SND1: variants seen among roughly 807,000 people sequenced by gnomAD.
The protein encoded by SND1 is staphylococcal nuclease and tudor domain containing 1.
In SND1, 38 loss-of-function variants were observed where a neutral mutation model predicts 121.7. The ratio of observed to expected loss-of-function variants is 0.31; its 90% CI spans 0.24 to 0.41. The LOEUF is 0.41. Ranked by LOEUF, SND1 falls within the 10% of genes least tolerant of loss-of-function variation. SND1 has a pLI of 1.00. For synonymous variants in SND1, 401 were observed against 447.4 expected (o/e 0.90, Z 1.31); for missense variants, 868 against 1,184.6 (o/e 0.73, Z 3.92).
At chr7:128,060,537 C>T (rs1248110856) in intron 16 of SND1, among the ~76,000 whole-genome samples, 1 of 152,238 alleles carries the variant, frequency 6.6e-6, no homozygotes, top group Non-Finnish European at 1.5e-5. Context: ...CTTGGCCTTT[C>T]CCTTCCTCCT....
intron 21 of SND1, among the ~76,000 whole-genome samples, chr7:128,087,462 G>A (rs1303610001): frequency 6.6e-6 from 1 of 152,214 alleles, no homozygotes; most frequent in African/African-American, 2.4e-5. Flanking sequence ...ACATGGTCCA[G>A]TGTGTTTCTG....
chr7:127,818,453 C>T lies in SND1; in HGVS notation c.1242+10880C>T, dbSNP rs571622095. 3.0e-4 allele frequency among the ~76,000 whole-genome samples: 46 copies of T among 152,248 alleles called. 1 individual carries two copies. In the South Asian group the frequency reaches 8.7e-3, roughly 29 times the overall value. On this transcript the variant is annotated intron_variant, in intron 11 of 23. Transcript: ENST00000354725. ...TAAATACTATTTTTTGGCTTGAATT[C>T]TCTATTATTATTTTAAAGTTCTAAG...
intron 10 of SND1, among the ~76,000 whole-genome samples, chr7:127,734,622 G>A (rs570846477): frequency 3.9e-4 from 60 of 152,260 alleles, no homozygotes; most frequent in African/African-American, 1.4e-3. Flanking sequence ...GCTTGATGGC[G>A]GTTCAGGATA....
At chr7:127,765,393 C>T (rs559273654) in intron 10 of SND1, among the ~76,000 whole-genome samples, 39 of 152,358 alleles carry the variant, frequency 2.6e-4, no homozygotes, top group African/African-American at 9.4e-4. Flanking sequence ...CTCACTCAGA[C>T]ATATGTCTCA....
chr7:127,904,907 T>C, intron 14 of SND1, 88 bp downstream of exon 14: 1 of 868,546 alleles, frequency 1.2e-6, no homozygotes, highest in Non-Finnish European at 2.0e-6. Flanking sequence ...CTTATGTATT[T>C]TCTCTAGCTC....
At chr7:128,006,634 T>C (rs770276354) in intron 16 of SND1, among the ~76,000 whole-genome samples, 6 of 152,202 alleles carry the variant, frequency 3.9e-5, no homozygotes, top group Non-Finnish European at 8.8e-5. Context: ...AGGTTGTTGG[T>C]TCTTACACAG....
intron 10 of SND1, among the ~76,000 whole-genome samples, chr7:127,737,060 T>C (rs1796789521): frequency 1.3e-5 from 2 of 152,028 alleles, no homozygotes; most frequent in Non-Finnish European, 2.9e-5. Context: ...AGTAAGTGTA[T>C]GTAAAGCAAT....
At position 127,701,239 on chromosome 7, in the gene SND1, G is replaced by A. The variant is rs775972758; in HGVS notation, c.505G>A (p.Gly169Ser). ...AKKGMWSEGN[G>S]SHTIRDLKYT... ...GAAAGGGATGTGGAGTGAGGGGAAC[G>A]GTTCACATACTATCCGGGATCTCAA... The change falls in exon 5 of 24, where the codon GGT (glycine) becomes AGT (serine). Residue 169 changes from glycine (G) to serine (S), a missense_variant. Physicochemically the swap from Gly to Ser is moderately conservative, Grantham distance 56 (BLOSUM62 0). Around this residue, in one of 2 missense-constraint regions of SND1, gnomAD observed 743 missense variants for 1,071.3 expected, o/e 0.69. Coordinates refer to ENST00000354725, the MANE Select transcript of SND1 (RefSeq NM_014390.4). The A allele has an allele frequency of 2.2e-5, 35 of 1,613,902 alleles. No individual in the cohort carries two copies. The highest frequency in any genetic ancestry group is 3.3e-5 in the South Asian group (3 of 91,074).
chr7:127,684,550 G>T (rs942731345), intron 1 of SND1, among the ~76,000 whole-genome samples: 2 of 152,180 alleles, frequency 1.3e-5, no homozygotes, highest in East Asian at 3.9e-4. Context: ...TCTTATTCAG[G>T]AACTTCAAGC....
At chr7:128,031,188 C>G (rs919376795) in intron 16 of SND1, 2 of 152,328 alleles carry the variant, frequency 1.3e-5, no homozygotes, top group Non-Finnish European at 2.9e-5. Flanking sequence ...TGCATGCCCC[C>G]CCCTCCGCCC....
At chr7:127,891,926 T>C (rs926288665) in intron 13 of SND1, among the ~76,000 whole-genome samples, 5 of 152,134 alleles carry the variant, frequency 3.3e-5, no homozygotes, top group African/African-American at 1.2e-4. Flanking sequence ...TTCATATCAG[T>C]CATTCGTTCT....
intron 14 of SND1, among the ~76,000 whole-genome samples, chr7:127,921,228 T>C (rs1479599542): frequency 6.6e-6 from 1 of 152,230 alleles, no homozygotes; most frequent in Non-Finnish European, 1.5e-5. Flanking sequence ...GAGGATGACC[T>C]CATGCTCCAT....
intron 14 of SND1, among the ~76,000 whole-genome samples, chr7:127,911,678 T>G (rs1800457867): frequency 6.6e-6 from 1 of 152,136 alleles, no homozygotes; most frequent in Non-Finnish European, 1.5e-5. Context: ...GTTTTTGTAT[T>G]TTTAGTAGAG....
intron 14 of SND1, among the ~76,000 whole-genome samples, chr7:127,919,220 T>C (rs1314092241): frequency 2.0e-5 from 3 of 152,202 alleles, no homozygotes; most frequent in African/African-American, 7.2e-5. Flanking sequence ...TTTATTTTGA[T>C]TTTAAGGTAA....
chr7:127,847,326 A>G (rs529813205), intron 12 of SND1, among the ~76,000 whole-genome samples: 3 of 152,302 alleles, frequency 2.0e-5, no homozygotes, highest in African/African-American at 7.2e-5. Context: ...AATTTGAGGT[A>G]TTGATAATTA....
chr7:127,891,905 C>T (rs190960854), intron 13 of SND1, among the ~76,000 whole-genome samples: 259 of 152,268 alleles, frequency 1.7e-3, no homozygotes, highest in African/African-American at 5.9e-3. Flanking sequence ...AAATTCATAA[C>T]ATCTGCCACA....
rs879816519 is a variant in SND1 at position 128,085,641 on chromosome 7, A to C, written c.2235-70A>C. The C allele has an allele frequency of 4.2e-5, 58 of 1,390,632 alleles. No homozygotes were observed. Among genetic ancestry groups the C allele is most frequent in the Non-Finnish European group, 5.2e-5 (51 of 979,764 alleles). 86.1% of individuals were successfully genotyped at this position (1,390,632 alleles called of 1,614,324 possible). ...GGAAATGCTGTGCCCCTGCCCCGCC[A>C]TTGCTGAGGCTCTGGGAGCCCAGAG... On this transcript the variant is annotated intron_variant, in intron 19 of 23. Coordinates refer to ENST00000354725, the MANE Select transcript of SND1 (RefSeq NM_014390.4). The surrounding 1 kb of genome is among the most constrained non-coding windows in gnomAD (Gnocchi z 4.4).
intron 10 of SND1, among the ~76,000 whole-genome samples, chr7:127,799,890 T>A (rs1193361283): frequency 6.6e-6 from 1 of 152,254 alleles, no homozygotes; most frequent in African/African-American, 2.4e-5. Flanking sequence ...TTAGGAATAC[T>A]TAGGTATCTT....
intron 10 of SND1, among the ~76,000 whole-genome samples, chr7:127,758,673 A>G (rs553987371): frequency 1.3e-5 from 2 of 152,282 alleles, no homozygotes; most frequent in African/African-American, 2.4e-5. Flanking sequence ...CCTTGCTAAT[A>G]TTTTAAACTA....
Sources: gnomAD v4.1 joint callset for allele counts (sites outside exome capture counted in the v4.1 genomes callset) on GRCh38, gnomAD v4.1.1 for gene constraint, gnomAD v4.1.1 regional missense constraint, Gnocchi (gnomAD v3.1) non-coding constraint, MANE v1.5 for transcripts, NCBI Gene and HGNC (gene_info 2026-07-23, HGNC 2026-07-21) for gene names.